Variants in IQCJ observed in about 807,000 individuals in gnomAD.
The protein encoded by IQCJ is IQ motif containing J.
Under a neutral mutation model 11.0 loss-of-function variants are expected in IQCJ, and 9 were observed. The observed-to-expected ratio is 0.82, with a 90% CI of 0.49 to 1.43. The LOEUF is 1.43. IQCJ is among the 40% of genes most tolerant of loss of function. IQCJ has a pLI of 0.00. For missense variants in IQCJ, 146 were observed against 133.2 expected, an observed-to-expected ratio of 1.10 and a Z score of -0.47; for synonymous variants, 55 against 51.3, an observed-to-expected ratio of 1.07 and a Z score of -0.31.
chr3:159,206,199 A>C (rs544493391), intron 1 of IQCJ, among the ~76,000 whole-genome samples: 9 of 152,282 alleles, frequency 5.9e-5, no homozygotes, highest in African/African-American at 1.9e-4. Context: ...TAAAACCCAC[A>C]AACTCTTCTT....
intron 1 of IQCJ, among the ~76,000 whole-genome samples, chr3:159,235,468 G>T (rs944400199): frequency 6.6e-6 from 1 of 152,160 alleles, no homozygotes; most frequent in Non-Finnish European, 1.5e-5. Context: ...GAATATTTAA[G>T]CCTGAAGGGT....
At chr3:159,109,213 G>A (rs1718459919) in intron 1 of IQCJ, among the ~76,000 whole-genome samples, 1 of 152,054 alleles carries the variant, frequency 6.6e-6, no homozygotes, top group Admixed American at 6.6e-5. Flanking sequence ...GTTTTGTTAT[G>A]GTTTTCCTTT....
chr3:159,121,438 C>T (rs1240293668), intron 1 of IQCJ, among the ~76,000 whole-genome samples: 3 of 152,128 alleles, frequency 2.0e-5, no homozygotes, highest in African/African-American at 7.2e-5. Context: ...CCAGCTTAAG[C>T]TGAGCATATT....
At chr3:159,119,122 A>G (rs957177132) in intron 1 of IQCJ, among the ~76,000 whole-genome samples, 1 of 152,132 alleles carries the variant, frequency 6.6e-6, no homozygotes, top group African/African-American at 2.4e-5. Context: ...GCCCATTCCT[A>G]CTTACACCTG....
intron 1 of IQCJ, among the ~76,000 whole-genome samples, chr3:159,182,705 A>T (rs944489769): frequency 1.3e-5 from 2 of 151,964 alleles, no homozygotes; most frequent in African/African-American, 4.9e-5. Flanking sequence ...ATATCTTCAC[A>T]GTGCTTTTCT....
intron 1 of IQCJ, among the ~76,000 whole-genome samples, chr3:159,107,578 T>G (rs570695189): frequency 1.3e-5 from 2 of 152,306 alleles, no homozygotes; most frequent in East Asian, 3.9e-4. Context: ...TCCAATTCAT[T>G]TAAGAACGGT....
At position 159,139,377 on chromosome 3, in the gene IQCJ, T is replaced by G. The variant is rs566573860; in HGVS notation, c.9+69936T>G. ...GTGTGACAGCATATTGTTAGCCTGT[T>G]TGCTGTGAGACTGTGTGACTTGGAT... is the stretch of plus-strand genomic sequence containing the variant. On this transcript the variant is annotated intron_variant, in intron 1 of 3. Coordinates refer to ENST00000397832, the MANE Select transcript of IQCJ (RefSeq NM_001042706.3). 2.2e-4 allele frequency among the ~76,000 whole-genome samples: 33 copies of G among 152,338 alleles called. No homozygotes were observed. In the South Asian group the frequency reaches 6.6e-3, roughly 31 times the overall value.
chr3:159,226,512 A>G (rs79653102), intron 1 of IQCJ, among the ~76,000 whole-genome samples: 2 of 152,288 alleles, frequency 1.3e-5, no homozygotes, highest in East Asian at 3.9e-4. Context: ...CCAAATATAT[A>G]TATTTCTAGT....
chr3:159,083,409 G>T (rs1054266319), intron 1 of IQCJ, among the ~76,000 whole-genome samples: 3 of 152,012 alleles, frequency 2.0e-5, no homozygotes, highest in Non-Finnish European at 4.4e-5. Context: ...AATGACAGTG[G>T]GATATCACTA....
At chr3:159,247,023 A>G (rs1036428593) in intron 2 of IQCJ, among the ~76,000 whole-genome samples, 2 of 152,216 alleles carry the variant, frequency 1.3e-5, no homozygotes, top group African/African-American at 4.8e-5. Flanking sequence ...GAGCACAGCC[A>G]ACACTCCTGT....
intron 1 of IQCJ, among the ~76,000 whole-genome samples, chr3:159,183,551 C>CA (rs1723217939): frequency 6.6e-6 from 1 of 152,160 alleles, no homozygotes; most frequent in Non-Finnish European, 1.5e-5. Context: ...CTCTCACAGC[C>CA]AACTGTCAAG....
At chr3:159,107,180 A>T (rs1054607500) in intron 1 of IQCJ, among the ~76,000 whole-genome samples, 13 of 152,250 alleles carry the variant, frequency 8.5e-5, no homozygotes, top group Admixed American at 7.9e-4. Context: ...TAAAAATCCT[A>T]ACTCCCAAGG....
At chr3:159,189,632 C>T (rs1219058867) in intron 1 of IQCJ, among the ~76,000 whole-genome samples, 2 of 152,164 alleles carry the variant, frequency 1.3e-5, no homozygotes, top group Non-Finnish European at 2.9e-5. Flanking sequence ...TATACTCCCA[C>T]CCACCACAGC....
At chr3:159,069,597 G>A (rs938575492) in intron 1 of IQCJ, 156 bp downstream of exon 1, 59 of 973,372 alleles carry the variant, frequency 6.1e-5, no homozygotes, top group East Asian at 1.3e-4. Context: ...GTCTAGGTGC[G>A]TGTGCATGTG....
At chr3:159,096,295 T>G (rs1296464805) in intron 1 of IQCJ, among the ~76,000 whole-genome samples, 1 of 150,694 alleles carries the variant, frequency 6.6e-6, no homozygotes. Context: ...GTTGTGAAAA[T>G]TTTCTCCCAT....
In IQCJ at chr3:159,207,354, T is replaced by C. The variant is rs3796257; in HGVS notation, c.10-38489T>C. 7.6e-4 allele frequency among the ~76,000 whole-genome samples: 116 copies of C among 152,346 alleles called. 1 individual carries two copies. The East Asian group carries it at 0.018, about 24-fold the overall frequency. On this transcript the variant is annotated intron_variant, in intron 1 of 3. Coordinates refer to ENST00000397832, the MANE Select transcript of IQCJ (RefSeq NM_001042706.3). ...AACTGTATATAGTCATGAAAAACTGTAGAAAAAGGCTTTATTGTTTTACTT... is the reference window on the plus strand; with the variant it reads ...AACTGTATATAGTCATGAAAAACTGCAGAAAAAGGCTTTATTGTTTTACTT...
intron 1 of IQCJ, among the ~76,000 whole-genome samples, chr3:159,094,292 G>C (rs561985360): frequency 6.6e-6 from 1 of 151,710 alleles, no homozygotes; most frequent in Admixed American, 6.6e-5. Context: ...AGATATTGTA[G>C]AAACCAGATA....
rs150317022 is a variant in IQCJ at position 159,148,061 on chromosome 3, C to T, written c.9+78620C>T. On this transcript the variant is annotated intron_variant, in intron 1 of 3. Transcript: ENST00000397832. ...TCTAGGGGTGGAACCCAATAAGCTA[C>T]ACATTTTAGTATGTCCATTGTTGAA... is the stretch of plus-strand genomic sequence containing the variant. 5.5e-4 allele frequency among the ~76,000 whole-genome samples: 84 copies of T among 152,374 alleles called. 1 individual carries two copies. Among genetic ancestry groups the T allele is most frequent in the African/African-American group, 1.9e-3 (81 of 41,592 alleles).
At chr3:159,089,904 CCTT>C (rs1717113592) in intron 1 of IQCJ, among the ~76,000 whole-genome samples, 1 of 151,848 alleles carries the variant, frequency 6.6e-6, no homozygotes, top group South Asian at 2.1e-4. Flanking sequence ...TCATCTGAAG[CCTT>C]CTTCTCTCAG....
Sources: allele counts gnomAD v4.1 joint callset (sites outside exome capture counted in the v4.1 genomes callset), GRCh38; gene constraint gnomAD v4.1.1; transcripts MANE v1.5; gene names NCBI Gene and HGNC (gene_info 2026-07-23, HGNC 2026-07-21).